The following PEX16 variants were observed in gnomAD, a reference collection of about 807,000 sequenced individuals.
PEX16 encodes the protein peroxisomal biogenesis factor 16.
Under a neutral mutation model 50.5 loss-of-function variants are expected in PEX16, and 37 were observed. The ratio of observed to expected loss-of-function variants is 0.73; its 90% CI spans 0.56 to 0.96. The LOEUF is 0.96. Ranked by LOEUF, PEX16 falls within the 40% of genes least tolerant of loss-of-function variation. PEX16 has a pLI of 0.00. For synonymous variants in PEX16, 185 were observed against 190.3 expected, an observed-to-expected ratio of 0.97 and a Z score of 0.23; for missense variants, 401 against 438.3, an observed-to-expected ratio of 0.91 and a Z score of 0.76.
intron 10 of PEX16, 79 bp from the exon 11 acceptor site, chr11:45,910,391 GC>G: frequency 8.1e-7 from 1 of 1,230,040 alleles, no homozygotes; most frequent in Non-Finnish European, 1.2e-6. Flanking sequence ...CCTCACCCCT[GC>G]GGCCCAGGAG....
chr11:45,915,346 C>T (rs749441915), intron 5 of PEX16, 122 bp downstream of exon 5: 20 of 724,568 alleles, frequency 2.8e-5, no homozygotes, highest in East Asian at 7.7e-5. Flanking sequence ...AATGAGAACA[C>T]ATAGTTGATA....
intron 9 of PEX16, 63 bp downstream of exon 9, chr11:45,913,756 G>A: frequency 6.3e-7 from 1 of 1,594,440 alleles, no homozygotes; most frequent in Non-Finnish European, 8.6e-7. Flanking sequence ...CGCCAGCAGG[G>A]ACCGGAGCAC....
intron 3 of PEX16, 25 bp downstream of exon 3, chr11:45,916,202 A>T: frequency 6.4e-7 from 1 of 1,574,390 alleles, no homozygotes; most frequent in Non-Finnish European, 8.7e-7. Flanking sequence ...CATGCTTCCC[A>T]CCCTGTTCTT....
intron 1 of PEX16, 59 bp downstream of exon 1, chr11:45,917,641 G>A (rs985463517): frequency 2.7e-6 from 4 of 1,484,626 alleles, no homozygotes; most frequent in South Asian, 1.2e-5. Flanking sequence ...GCAGGGAAGG[G>A]GGCCACTGGG....
rs1222437169 is a variant in PEX16, at chr11:45,914,329, C to T, written c.681G>A (p.Arg227=). The T allele has an allele frequency of 2.5e-6, 4 of 1,613,024 alleles. No homozygotes were observed. In the East Asian group the frequency reaches 8.9e-5, roughly 36 times the overall value. The part of the protein sequence containing the change: ...ETIAEFLYIA[R]PLLHLLSLGL... ...CGCTAAGGATACAGTGCAGCAGCGG[C>T]CGGGCAATGTACAAAAACTCTGCGA... Residue 227 remains arginine, a synonymous_variant, in exon 7 of 11, where the codon CGG becomes CGA. Transcript: ENST00000378750.
chr11:45,910,726 C>G (rs1296665983), intron 10 of PEX16, among the ~76,000 whole-genome samples, 172 bp downstream of exon 10: 1 of 152,260 alleles, frequency 6.6e-6, no homozygotes, highest in Non-Finnish European at 1.5e-5. Context: ...ATCCCTGGCT[C>G]CTCAGGCCAC....
At chr11:45,913,693 C>A in intron 9 of PEX16, 126 bp downstream of exon 9, 1 of 1,128,488 alleles carries the variant, frequency 8.9e-7, no homozygotes, top group South Asian at 1.3e-5. Context: ...GACTGCCACC[C>A]GGACAACACA....
Position 45,909,890 on chromosome 11 carries a change from T to C in PEX16, c.*364A>G, listed in dbSNP as rs1393730316. 1.6e-6 allele frequency: 1 copy of C among 611,248 alleles called. No individual in the cohort carries two copies. Among genetic ancestry groups the C allele is most frequent in the African/African-American group, 1.8e-5 (1 of 54,410 alleles). The allele number at this position is 611,248 out of a possible 1,614,324, so 37.9% of individuals were successfully genotyped here. On this transcript the variant is annotated 3_prime_UTR_variant, in exon 11 of 11. Transcript: ENST00000378750. Reference sequence around the variant, plus strand: ...TTCAGCCATCACCCGGGTTCAGGCTTCCTGTCCTCACCAGGGGCCAGCGAG... The same window carrying C: ...TTCAGCCATCACCCGGGTTCAGGCTCCCTGTCCTCACCAGGGGCCAGCGAG...
At chr11:45,912,814 T>C (rs2134689908) in intron 9 of PEX16, among the ~76,000 whole-genome samples, 1 of 151,520 alleles carries the variant, frequency 6.6e-6, no homozygotes, top group East Asian at 2.0e-4. Flanking sequence ...ACTATGCCAG[T>C]TTTGTTTTTT....
intron 8 of PEX16, 46 bp from the exon 9 acceptor site, chr11:45,913,984 G>A (rs2086804955): frequency 6.2e-7 from 1 of 1,609,030 alleles, no homozygotes; most frequent in Non-Finnish European, 8.5e-7. Flanking sequence ...CATGATCTAG[G>A]CCCACGGAAG....
In PEX16 at chr11:45,910,028, G is replaced by A. The variant is rs1416113648; in HGVS notation, c.*226C>T. The A allele has an allele frequency of 6.9e-7, 1 of 1,450,124 alleles. No individual in the cohort carries two copies. The highest frequency in any genetic ancestry group is 9.6e-7 in the Non-Finnish European group (1 of 1,036,728). 89.8% of individuals were successfully genotyped at this position (1,450,124 alleles called of 1,614,324 possible). On this transcript the variant is annotated 3_prime_UTR_variant, in exon 11 of 11. Transcript: ENST00000378750. Reference sequence around the variant, plus strand: ...AGCCTGGATCCCACTCCTAGTGAAGGCTTCTTGGCCCAGCAGTGACAAGGT... The same window carrying A: ...AGCCTGGATCCCACTCCTAGTGAAGACTTCTTGGCCCAGCAGTGACAAGGT...
Position 45,914,302 on chromosome 11 carries a change from C to T in PEX16, c.694+14G>A, listed in dbSNP as rs750448293. The T allele has an allele frequency of 3.6e-5, 58 of 1,613,420 alleles. No individual in the cohort carries two copies. The highest frequency in any genetic ancestry group is 4.5e-5 in the East Asian group (2 of 44,892). On this transcript the variant is annotated intron_variant, in intron 7 of 10. Coordinates refer to ENST00000378750, the MANE Select transcript of PEX16 (RefSeq NM_004813.4). ...CCACAGTGCCAGCCCTATCCTGCCC[C>T]GCGCTAAGGATACAGTGCAGCAGCG...
intron 10 of PEX16, 54 bp downstream of exon 10, chr11:45,910,844 T>C (rs2086769639): frequency 2.1e-6 from 3 of 1,432,600 alleles, no homozygotes; most frequent in Non-Finnish European, 2.0e-6. Context: ...AGGGAGGTGC[T>C]TGCATGCATG....
At chr11:45,916,331 G>C (rs757684080) in intron 2 of PEX16, 28 bp from the exon 3 acceptor site, 48 of 1,565,498 alleles carry the variant, frequency 3.1e-5, no homozygotes, top group Non-Finnish European at 3.6e-5. Flanking sequence ...GCCTTGAGAG[G>C]CTGGCTCTGC....
In PEX16 at chr11:45,909,831, G is replaced by A. The variant is rs546665092; in HGVS notation, c.*423C>T. On this transcript the variant is annotated 3_prime_UTR_variant, in exon 11 of 11. Transcript: ENST00000378750. Reference sequence around the variant, plus strand: ...AGGGCCCTGCGGAGAAGGGGCAGACGGAGGGCCCCAGCCAGAAGACACGCT... The same window carrying A: ...AGGGCCCTGCGGAGAAGGGGCAGACAGAGGGCCCCAGCCAGAAGACACGCT... The A allele has an allele frequency of 1.8e-4, 99 of 549,122 alleles. No homozygotes were observed. The highest frequency in any genetic ancestry group is 1.5e-3 in the African/African-American group (78 of 53,046). The allele number at this position is 549,122 out of a possible 1,614,324, so 34.0% of individuals were successfully genotyped here. A position where few individuals can be genotyped will look rare whatever the true frequency, so the allele number is the denominator to read the frequency against.
At chr11:45,911,013 C>T (rs1590793502) in intron 9 of PEX16, 51 bp from the exon 10 acceptor site, 1 of 1,325,236 alleles carries the variant, frequency 7.5e-7, no homozygotes, top group Middle Eastern at 1.8e-4. Flanking sequence ...GGGGTGGGTC[C>T]CTGCAAACCA....
intron 5 of PEX16, 70 bp downstream of exon 5, chr11:45,915,398 C>A: frequency 8.7e-7 from 1 of 1,145,650 alleles, no homozygotes; most frequent in Non-Finnish European, 1.3e-6. Context: ...TGTATTCATG[C>A]TGGTTGGATC....
chr11:45,910,819 G>A lies in PEX16; in HGVS notation c.952+79C>T, dbSNP rs1190888918. 1.1e-5 allele frequency: 14 copies of A among 1,240,268 alleles called. No homozygotes were observed. In the East Asian group the frequency reaches 3.0e-4, roughly 27 times the overall value. 76.8% of individuals were successfully genotyped at this position (1,240,268 alleles called of 1,614,324 possible). ...GACTGTGCCAAGAATCAAATTGCAAGGAGACAGAGGAGTCAGGGAGGTGCT... is the reference window on the plus strand; with the variant it reads ...GACTGTGCCAAGAATCAAATTGCAAAGAGACAGAGGAGTCAGGGAGGTGCT... On this transcript the variant is annotated intron_variant, in intron 10 of 10. Coordinates refer to ENST00000378750, the MANE Select transcript of PEX16 (RefSeq NM_004813.4).
chr11:45,912,294 C>G (rs925420401), intron 9 of PEX16, among the ~76,000 whole-genome samples: 3 of 151,960 alleles, frequency 2.0e-5, no homozygotes, highest in South Asian at 2.1e-4. Flanking sequence ...GTCAGGAGAT[C>G]GAGACCATCC....
Sources: allele counts gnomAD v4.1 joint callset (sites outside exome capture counted in the v4.1 genomes callset), GRCh38; gene constraint gnomAD v4.1.1; transcripts MANE v1.5; gene names NCBI Gene and HGNC (gene_info 2026-07-23, HGNC 2026-07-21).